PDZD2: variants seen among roughly 807,000 people sequenced by gnomAD.
PDZD2 encodes PDZ domain-containing protein 2.
A neutral mutation model predicts 220.7 loss-of-function variants in PDZD2; 90 were observed. The observed-to-expected ratio is 0.41, with a 90% CI of 0.34 to 0.49. The LOEUF is 0.49. Ranked by LOEUF, PDZD2 falls within the 20% of genes least tolerant of loss-of-function variation. The pLI is 0.28. For synonymous variants in PDZD2, 1,375 were observed against 1,450.5 expected (o/e 0.95, Z 1.18); for missense variants, 3,174 against 3,608.5 (o/e 0.88, Z 3.08).
intron 1 of PDZD2, among the ~76,000 whole-genome samples, chr5:31,686,674 A>G (rs1192219128): frequency 6.6e-6 from 1 of 152,184 alleles, no homozygotes; most frequent in Non-Finnish European, 1.5e-5. Flanking sequence ...GCCAATATAT[A>G]TATTTCTTAC....
At chr5:31,817,400 G>T (rs1755535576) in intron 2 of PDZD2, among the ~76,000 whole-genome samples, 1 of 151,520 alleles carries the variant, frequency 6.6e-6, no homozygotes, top group African/African-American at 2.4e-5. Context: ...AGGCTGAGGT[G>T]GGAGGATCCC....
chr5:31,886,264 A>G (rs1740465017), intron 2 of PDZD2, among the ~76,000 whole-genome samples: 1 of 152,198 alleles, frequency 6.6e-6, no homozygotes, highest in Non-Finnish European at 1.5e-5. Flanking sequence ...ACAATTAACA[A>G]TGCATTTGTT....
At position 32,052,783 on chromosome 5, in the gene PDZD2, T is replaced by G. The variant is rs187243865; in HGVS notation, c.1785+53T>G. On this transcript the variant is annotated intron_variant, in intron 9 of 24. Transcript: ENST00000438447. ...CCTTCTGGGTGAATCTTAGCACACATTTTTTGTTTTATTTTATTTTATTTG... is the reference window on the plus strand; with the variant it reads ...CCTTCTGGGTGAATCTTAGCACACAGTTTTTGTTTTATTTTATTTTATTTG... The G allele has an allele frequency of 1.6e-4, 254 of 1,569,696 alleles. No homozygotes were observed. In the African/African-American group the frequency reaches 2.4e-3, roughly 15 times the overall value.
chr5:31,843,941 C>G (rs2150287557), intron 2 of PDZD2: 1 of 152,248 alleles, frequency 6.6e-6, no homozygotes, highest in Admixed American at 6.5e-5. Flanking sequence ...GGAGGTTTTT[C>G]AGCTGATGGA....
chr5:31,784,942 T>C (rs10044654), intron 1 of PDZD2, among the ~76,000 whole-genome samples: 14,968 of 151,952 alleles, frequency 0.099, 1,586 homozygotes, highest in African/African-American at 0.27. Context: ...TTTCTAATGT[T>C]TTCTAGTAGT....
chr5:32,046,463 G>A (rs2547936), intron 7 of PDZD2, among the ~76,000 whole-genome samples: 8 of 152,056 alleles, frequency 5.3e-5, no homozygotes, highest in African/African-American at 1.9e-4. Context: ...GTGCAGTCTC[G>A]AATTCCTGAG....
rs150510158 is a variant in PDZD2 at position 32,088,578 on chromosome 5, G to T, written c.5130G>T (p.Pro1710=). ...TSASSAMENS[P]LSKVARHFHS... ...CTAGCTCAGCCATGGAAAACAGTCC[G>T]CTGTCTAAAGTAGCCAGGCATTTTC... The change falls in exon 20 of 25, where the codon CCG becomes CCT. Residue 1710 remains proline (P), a synonymous_variant. Coordinates refer to ENST00000438447, the MANE Select transcript of PDZD2 (RefSeq NM_178140.4). The surrounding 1 kb of genome is among the most constrained non-coding windows in gnomAD (Gnocchi z 4.6). 1 of 1,614,046 alleles carries T rather than the reference G, an allele frequency of 6.2e-7. No individual in the cohort carries two copies. Among genetic ancestry groups the T allele is most frequent in the South Asian group, 1.1e-5 (1 of 91,076 alleles).
At chr5:32,076,288 GAAAAAAAA>G (rs67898034) in intron 18 of PDZD2, among the ~76,000 whole-genome samples, 2 of 87,932 alleles carry the variant, frequency 2.3e-5, no homozygotes, top group Non-Finnish European at 4.5e-5. Flanking sequence ...TCGGTCTCAA[GAAAAAAAA>G]AAAAAAAAAA....
intron 1 of PDZD2, among the ~76,000 whole-genome samples, chr5:31,659,372 C>T (rs1270666325): frequency 1.3e-5 from 2 of 152,086 alleles, no homozygotes; most frequent in Non-Finnish European, 2.9e-5. Context: ...CCCAACCCTC[C>T]TCCTGAGCAC....
intron 2 of PDZD2, among the ~76,000 whole-genome samples, chr5:31,967,686 C>A (rs2111749567): frequency 6.6e-6 from 1 of 152,320 alleles, no homozygotes; most frequent in African/African-American, 2.4e-5. Context: ...TAGGAAAGCA[C>A]AGGAATTGCC....
chr5:31,795,163 A>G (rs1753953435), intron 1 of PDZD2, among the ~76,000 whole-genome samples: 1 of 152,230 alleles, frequency 6.6e-6, no homozygotes, highest in Non-Finnish European at 1.5e-5. Context: ...ACTAAGGAAT[A>G]AGATTTTGTT....
chr5:31,853,539 G>A (rs1380372178), intron 2 of PDZD2, among the ~76,000 whole-genome samples: 2 of 152,158 alleles, frequency 1.3e-5, no homozygotes. Flanking sequence ...ATGTGCTCTG[G>A]GGCTGCTTCT....
At position 32,077,133 on chromosome 5, in the gene PDZD2, A is replaced by C. The variant is rs1156802687; in HGVS notation, c.3538-329A>C. Among the ~76,000 whole-genome samples the C allele has an allele frequency of 2.0e-5, 3 of 152,228 alleles. No homozygotes were observed. The South Asian group carries it at 6.2e-4, about 32-fold the overall frequency. On this transcript the variant is annotated intron_variant, in intron 18 of 24. Transcript: ENST00000438447. The stretch of plus-strand genomic sequence containing the variant: ...TTATAGTCTTGGATATCTCTATGCA[A>C]TATAATAACAATACCTTACATCTGT...
At chr5:31,800,428 G>A (rs1754325709) in intron 2 of PDZD2, among the ~76,000 whole-genome samples, 1 of 152,098 alleles carries the variant, frequency 6.6e-6, no homozygotes, top group African/African-American at 2.4e-5. Context: ...TTGGGGGTGG[G>A]TCATGTAAAC....
chr5:31,934,566 G>A (rs968510327), intron 2 of PDZD2, among the ~76,000 whole-genome samples: 1 of 137,012 alleles, frequency 7.3e-6, no homozygotes, highest in African/African-American at 2.7e-5. Flanking sequence ...ATGAGAAAAT[G>A]TATAGCATTT....
At chr5:31,976,963 G>A (rs1451431998) in intron 2 of PDZD2, among the ~76,000 whole-genome samples, 2 of 150,888 alleles carry the variant, frequency 1.3e-5, no homozygotes, top group Admixed American at 6.6e-5. Flanking sequence ...TGATCCACCC[G>A]CCTTGGCCTC....
intron 19 of PDZD2, among the ~76,000 whole-genome samples, chr5:32,082,655 G>A (rs979310690): frequency 1.3e-5 from 2 of 152,112 alleles, no homozygotes; most frequent in African/African-American, 4.8e-5. Flanking sequence ...TTTCCTAAGA[G>A]AAACATATAT....
At chr5:31,665,875 A>C (rs6865446) in intron 1 of PDZD2, among the ~76,000 whole-genome samples, 37,200 of 152,170 alleles carry the variant, frequency 0.24, 4,603 homozygotes, top group Non-Finnish European at 0.29. Flanking sequence ...GAAGTTTTAC[A>C]CACATAAACT....
rs780255341 is a variant in PDZD2 at position 32,048,605 on chromosome 5, G to A, written c.1586G>A (p.Arg529Gln). ...NELMVRNGDP[R>Q]IRMLEVSRDG... Reference sequence around the variant, plus strand: ...CTGATGGTGCGGAATGGGGACCCCCGGATCCGGATGTTGGAGGTCTCCCGA... The same window carrying A: ...CTGATGGTGCGGAATGGGGACCCCCAGATCCGGATGTTGGAGGTCTCCCGA... Residue 529 changes from arginine to glutamine, a missense_variant, in exon 8 of 25, where the codon CGG (arginine) becomes CAG (glutamine). Arg to Gln is a conservative substitution (Grantham distance 43). Transcript: ENST00000438447. The A allele has an allele frequency of 1.3e-5, 21 of 1,613,900 alleles. No homozygotes were observed. Among genetic ancestry groups the A allele is most frequent in the Admixed American group, 8.3e-5 (5 of 59,998 alleles).
Sources: allele counts gnomAD v4.1 joint callset (sites outside exome capture counted in the v4.1 genomes callset), GRCh38; gene constraint gnomAD v4.1.1; non-coding constraint Gnocchi (gnomAD v3.1); transcripts MANE v1.5; gene names NCBI Gene and HGNC (gene_info 2026-07-23, HGNC 2026-07-21).